Variants in EML6 observed in about 807,000 individuals in gnomAD.
EML6 encodes the protein echinoderm microtubule-associated protein-like 6.
Under a neutral mutation model 240.1 loss-of-function variants are expected in EML6, and 154 were observed. The observed-to-expected ratio is 0.64, with a 90% CI of 0.56 to 0.73. The LOEUF is 0.73. Ranked by LOEUF, EML6 falls within the 30% of genes least tolerant of loss-of-function variation. EML6 has a pLI of 0.00. For synonymous variants in EML6, 1,148 were observed against 899.0 expected, an observed-to-expected ratio of 1.28 and a Z score of -4.95; for missense variants, 2,964 against 2,474.6, an observed-to-expected ratio of 1.20 and a Z score of -4.20.
chr2:54,770,318 G>A (rs1348028573), intron 2 of EML6, among the ~76,000 whole-genome samples: 1 of 152,174 alleles, frequency 6.6e-6, no homozygotes, highest in Non-Finnish European at 1.5e-5. Flanking sequence ...GGGACCGTTG[G>A]ACATTTGGTC....
chr2:54,804,732 T>C (rs1670376305), intron 2 of EML6, among the ~76,000 whole-genome samples: 1 of 152,236 alleles, frequency 6.6e-6, no homozygotes, highest in South Asian at 2.1e-4. Flanking sequence ...CTCTAGTCTT[T>C]CCTATCTGCA....
At chr2:54,852,936 G>T (rs1348362187) in intron 10 of EML6, among the ~76,000 whole-genome samples, 1 of 152,236 alleles carries the variant, frequency 6.6e-6, no homozygotes, top group Non-Finnish European at 1.5e-5. Context: ...TGGGAACTGG[G>T]TAGTGGGCCA....
intron 32 of EML6, among the ~76,000 whole-genome samples, chr2:54,956,497 G>T (rs1159032639): frequency 6.6e-6 from 1 of 152,162 alleles, no homozygotes; most frequent in Non-Finnish European, 1.5e-5. Context: ...CCCGTATGTT[G>T]TGTTACTTTG....
intron 2 of EML6, among the ~76,000 whole-genome samples, chr2:54,802,725 G>A (rs1670236311): frequency 1.3e-5 from 2 of 151,882 alleles, no homozygotes. Context: ...AAAAGGCCAT[G>A]TTACTTTACT....
chr2:54,772,801 T>C (rs188216112), intron 2 of EML6, among the ~76,000 whole-genome samples: 78 of 152,348 alleles, frequency 5.1e-4, no homozygotes, highest in Admixed American at 2.8e-3. Context: ...ACACTGCCTT[T>C]CTCACACAGG....
chr2:54,820,572 A>C lies in EML6; in HGVS notation c.525+110A>C. On this transcript the variant is annotated intron_variant, in intron 5 of 41. Coordinates refer to ENST00000356458, the MANE Select transcript of EML6 (RefSeq NM_001039753.4). The stretch of plus-strand genomic sequence containing the variant: ...GCTAGACTTTACATTTTTTTTCTTC[A>C]ATATAGAGCCCTCTTACCTGTTTCT... 6.2e-6 allele frequency: 4 copies of C among 641,792 alleles called. No homozygotes were observed. The South Asian group carries it at 6.5e-5, about 10-fold the overall frequency. The allele number at this position is 641,792 out of a possible 1,614,324, so 39.8% of individuals were successfully genotyped here.
chr2:54,847,745 CTA>C, intron 9 of EML6, 122 bp downstream of exon 9: 1 of 985,010 alleles, frequency 1.0e-6, no homozygotes, highest in Non-Finnish European at 1.4e-6. Flanking sequence ...AATAGGAATA[CTA>C]TAGATCTACG....
At chr2:54,791,736 G>A (rs1430311550) in intron 2 of EML6, among the ~76,000 whole-genome samples, 1 of 152,170 alleles carries the variant, frequency 6.6e-6, no homozygotes, top group Non-Finnish European at 1.5e-5. Flanking sequence ...AATGATACTG[G>A]AGGTTCAGTA....
At chr2:54,892,726 C>A in intron 19 of EML6, 70 bp downstream of exon 19, 1 of 1,242,632 alleles carries the variant, frequency 8.0e-7, no homozygotes, top group Non-Finnish European at 1.1e-6. Context: ...CTTAGGATGG[C>A]CCAAGAGGAT....
At chr2:54,891,024 A>G (rs1365344055) in intron 17 of EML6, 30 bp from the exon 18 acceptor site, 8 of 1,127,376 alleles carry the variant, frequency 7.1e-6, no homozygotes, top group Non-Finnish European at 1.0e-5. Flanking sequence ...CATCCAAACT[A>G]GAATCTTATT....
chr2:54,756,684 A>C (rs1667746636), intron 2 of EML6, among the ~76,000 whole-genome samples: 1 of 151,778 alleles, frequency 6.6e-6, no homozygotes, highest in South Asian at 2.1e-4. Context: ...TTATTTTCTT[A>C]AAAGGTAGGA....
At chr2:54,800,687 G>C (rs962345995) in intron 2 of EML6, among the ~76,000 whole-genome samples, 5 of 152,126 alleles carry the variant, frequency 3.3e-5, no homozygotes, top group Admixed American at 2.0e-4. Flanking sequence ...CAGATACTTG[G>C]ATGGGTAGAT....
chr2:54,948,875 C>T lies in EML6; in HGVS notation c.4005-7C>T. 2 of 1,550,812 alleles carry T rather than the reference C, an allele frequency of 1.3e-6. No individual in the cohort carries two copies. Among genetic ancestry groups the T allele is most frequent in the Non-Finnish European group, 1.7e-6 (2 of 1,146,440 alleles). On this transcript the variant is annotated splice_polypyrimidine_tract_variant and splice_region_variant and intron_variant, in intron 28 of 41. Coordinates refer to ENST00000356458, the MANE Select transcript of EML6 (RefSeq NM_001039753.4). ...GCTGTGCTTCCTCTGGCCGCTCTCT[C>T]TTCCAGACCACCCGTTAGCCGAGCA...
intron 14 of EML6, chr2:54,867,567 G>C (rs1453666002): frequency 1.3e-5 from 2 of 152,196 alleles, no homozygotes; most frequent in Non-Finnish European, 2.9e-5. Flanking sequence ...AGGAGTTCGA[G>C]ACATGGTGAA....
At chr2:54,879,818 A>G in intron 17 of EML6, 178 bp downstream of exon 17, 2 of 588,930 alleles carry the variant, frequency 3.4e-6, no homozygotes, top group South Asian at 4.4e-5. Context: ...GACTTAGAGC[A>G]GGTCATGTTT....
intron 2 of EML6, among the ~76,000 whole-genome samples, chr2:54,809,831 A>T (rs6718353): frequency 6.6e-6 from 1 of 152,160 alleles, no homozygotes; most frequent in African/African-American, 2.4e-5. Flanking sequence ...GACATGACAA[A>T]TTTAAAATAG....
intron 2 of EML6, among the ~76,000 whole-genome samples, chr2:54,786,145 C>T (rs894056176): frequency 6.6e-6 from 1 of 151,910 alleles, no homozygotes; most frequent in Non-Finnish European, 1.5e-5. Context: ...GAAGTCCCAC[C>T]GGGGCAGTAG....
intron 17 of EML6, chr2:54,882,873 A>AAAAAAAGAG (rs796515025): frequency 5.3e-5 from 6 of 112,376 alleles, no homozygotes; most frequent in African/African-American, 2.1e-4. Flanking sequence ...AAAAAAAAAA[A>AAAAAAAGAG]AGAAAGCTTA....
chr2:54,959,464 A>G (rs575214147), intron 34 of EML6, among the ~76,000 whole-genome samples: 2 of 152,282 alleles, frequency 1.3e-5, no homozygotes, highest in African/African-American at 4.8e-5. Flanking sequence ...TGGTTTGATG[A>G]TAGTTTAAAA....
Sources: gnomAD v4.1 joint callset for allele counts (sites outside exome capture counted in the v4.1 genomes callset) on GRCh38, gnomAD v4.1.1 for gene constraint, MANE v1.5 for transcripts, NCBI Gene and HGNC (gene_info 2026-07-23, HGNC 2026-07-21) for gene names.